Variants in CHST3 observed in about 807,000 individuals in gnomAD.
CHST3 encodes carbohydrate sulfotransferase 3.
A neutral mutation model predicts 35.4 loss-of-function variants in CHST3; 20 were observed. The observed-to-expected ratio is 0.57, with a 90% CI of 0.40 to 0.82. CHST3 has a LOEUF of 0.82. Ranked by LOEUF, CHST3 falls within the 40% of genes least tolerant of loss-of-function variation. The pLI is 0.00. For missense variants in CHST3, 693 were observed against 670.1 expected (o/e 1.03, Z -0.38); for synonymous variants, 334 against 295.9 (o/e 1.13, Z -1.32).
intron 1 of CHST3, among the ~76,000 whole-genome samples, chr10:71,975,557 G>A (rs936162214): frequency 1.3e-5 from 2 of 152,242 alleles, no homozygotes; most frequent in East Asian, 3.8e-4. Flanking sequence ...TTCACTGGCT[G>A]TGCAAATCCC....
intron 1 of CHST3, among the ~76,000 whole-genome samples, chr10:71,979,125 T>C (rs1031546459): frequency 2.0e-5 from 3 of 152,136 alleles, no homozygotes; most frequent in African/African-American, 7.2e-5. Context: ...AAAAGTGATA[T>C]GAATGGTGCA....
At position 72,005,956 on chromosome 10, in the gene CHST3, C is replaced by T. The variant is rs374590185; in HGVS notation, c.114C>T (p.Ile38=). The T allele has an allele frequency of 3.0e-5, 48 of 1,613,948 alleles. No homozygotes were observed. The Admixed American group carries it at 3.0e-4, about 10-fold the overall frequency. Residue 38 remains isoleucine (I), a synonymous_variant, in exon 2 of 3, where the codon ATC becomes ATT. Coordinates refer to ENST00000373115, the MANE Select transcript of CHST3 (RefSeq NM_004273.5). The part of the protein sequence containing the change: ...LVFVVIVFVF[I]EKENKIISRV... Reference sequence around the variant, plus strand: ...TTGTGGTGATAGTTTTTGTCTTCATCGAAAAGGAAAATAAAATCATATCAA... The same window carrying T: ...TTGTGGTGATAGTTTTTGTCTTCATTGAAAAGGAAAATAAAATCATATCAA...
At chr10:71,973,565 T>G (rs1564524462) in intron 1 of CHST3, among the ~76,000 whole-genome samples, 1 of 152,212 alleles carries the variant, frequency 6.6e-6, no homozygotes, top group East Asian at 1.9e-4. Context: ...TGTCTGTCCT[T>G]GCAAAAGTAG....
At chr10:71,986,465 A>T (rs1000736549) in intron 1 of CHST3, among the ~76,000 whole-genome samples, 2 of 152,240 alleles carry the variant, frequency 1.3e-5, no homozygotes, top group African/African-American at 4.8e-5. Flanking sequence ...TCCACCCATG[A>T]TAGATGTCAC....
chr10:72,008,192 C>T lies in CHST3; in HGVS notation c.1161C>T (p.Arg387=). The T allele has an allele frequency of 1.3e-6, 2 of 1,550,088 alleles. No individual in the cohort carries two copies. Among genetic ancestry groups the T allele is most frequent in the East Asian group, 2.4e-5 (1 of 40,952 alleles). Residue 387 remains arginine (R), a synonymous_variant, in exon 3 of 3, where the codon CGC becomes CGT. Coordinates refer to ENST00000373115, the MANE Select transcript of CHST3 (RefSeq NM_004273.5). ...TGCAGAAGGCCCGCGAGATGTACCG[C>T]TTCGCCGGCATCCCCCTGACCCCGC... ...GPLQKAREMY[R]FAGIPLTPQV...
At chr10:72,004,014 A>G (rs1015126442) in intron 1 of CHST3, among the ~76,000 whole-genome samples, 7 of 152,094 alleles carry the variant, frequency 4.6e-5, no homozygotes, top group African/African-American at 1.7e-4. Context: ...CGTCTCTACT[A>G]AAAATACAAA....
chr10:72,004,247 T>A (rs1330360213), intron 1 of CHST3, among the ~76,000 whole-genome samples: 1 of 152,182 alleles, frequency 6.6e-6, no homozygotes, highest in Non-Finnish European at 1.5e-5. Flanking sequence ...GTTCACCAAC[T>A]GTGTATCTCT....
intron 1 of CHST3, among the ~76,000 whole-genome samples, chr10:71,984,072 G>A (rs1026423726): frequency 6.6e-6 from 1 of 152,192 alleles, no homozygotes; most frequent in Non-Finnish European, 1.5e-5. Flanking sequence ...ACCCAGGCTG[G>A]AGCGCAGTGG....
At chr10:71,968,033 G>A (rs1839649617) in intron 1 of CHST3, among the ~76,000 whole-genome samples, 2 of 150,814 alleles carry the variant, frequency 1.3e-5, no homozygotes, top group South Asian at 4.2e-4. Context: ...GGCCAGAATG[G>A]TCTCGATCTC....
At position 72,007,686 on chromosome 10, in the gene CHST3, A is replaced by G. The variant is rs779793827; in HGVS notation, c.655A>G (p.Met219Val). ...GCCCGAGGACCACCTGACTCAGTTCATGTTCCGCCGGGGCTCCAGCCGCTC... is the reference window on the plus strand; with the variant it reads ...GCCCGAGGACCACCTGACTCAGTTCGTGTTCCGCCGGGGCTCCAGCCGCTC... ...PLPEDHLTQF[M>V]FRRGSSRSLC... Residue 219 changes from methionine to valine, a missense_variant, in exon 3 of 3, where the codon ATG (methionine) becomes GTG (valine). Coordinates refer to ENST00000373115, the MANE Select transcript of CHST3 (RefSeq NM_004273.5). 6 of 1,608,310 alleles carry G rather than the reference A, an allele frequency of 3.7e-6. No homozygotes were observed. The highest frequency in any genetic ancestry group is 2.2e-5 in the South Asian group (2 of 90,940).
At chr10:71,972,371 G>A (rs1839704001) in intron 1 of CHST3, among the ~76,000 whole-genome samples, 1 of 152,140 alleles carries the variant, frequency 6.6e-6, no homozygotes, top group Non-Finnish European at 1.5e-5. Flanking sequence ...TGACTGGGAA[G>A]CTCTGGCAAT....
intron 1 of CHST3, among the ~76,000 whole-genome samples, chr10:71,999,555 C>T (rs1839972176): frequency 6.6e-6 from 1 of 152,252 alleles, no homozygotes; most frequent in Non-Finnish European, 1.5e-5. Context: ...CCCCACCCCA[C>T]CCCACTGTGC....
intron 1 of CHST3, among the ~76,000 whole-genome samples, chr10:71,984,315 G>C (rs1277444077): frequency 6.6e-6 from 1 of 152,236 alleles, no homozygotes; most frequent in African/African-American, 2.4e-5. Context: ...GAGCCACCAT[G>C]CTCGGCTGAC....
chr10:71,969,988 A>C (rs1274203622), intron 1 of CHST3, among the ~76,000 whole-genome samples: 1 of 152,208 alleles, frequency 6.6e-6, no homozygotes, highest in Non-Finnish European at 1.5e-5. Context: ...TTCTTCTCTA[A>C]GGCCTAAAGA....
chr10:71,995,426 A>AAT (rs991808341), intron 1 of CHST3, among the ~76,000 whole-genome samples: 4 of 151,254 alleles, frequency 2.6e-5, no homozygotes, highest in African/African-American at 9.7e-5. Flanking sequence ...TGTCTCAAAA[A>AAT]AAAAAAAAAA....
intron 1 of CHST3, among the ~76,000 whole-genome samples, chr10:71,970,804 G>A (rs1265187434): frequency 2.0e-5 from 3 of 152,216 alleles, no homozygotes; most frequent in Admixed American, 2.0e-4. Flanking sequence ...TTGCTTTAGG[G>A]TGGATAGACC....
In CHST3 at chr10:71,967,975, AT is replaced by A. The variant is rs61420934; in HGVS notation, c.-108+3296del. ...AGGCGTGCACCACCATGCGTGGCTA[AT>A]TTTTTTTTTTTTTTGTATTTTAGTA... On this transcript the variant is annotated intron_variant, in intron 1 of 2. Coordinates refer to ENST00000373115, the MANE Select transcript of CHST3 (RefSeq NM_004273.5). Among the ~76,000 whole-genome samples, 266 of 141,990 alleles carry A rather than the reference AT, an allele frequency of 1.9e-3. 2 individuals are homozygous for A. Among genetic ancestry groups the A allele is most frequent in the Admixed American group, 2.3e-3 (32 of 14,072 alleles). The allele number at this position is 141,990 out of a possible 152,430, so 93.2% of individuals were successfully genotyped here. A position where few individuals can be genotyped will look rare whatever the true frequency, so the allele number is the denominator to read the frequency against.
chr10:71,965,343 G>T (rs1358097956), intron 1 of CHST3, among the ~76,000 whole-genome samples: 1 of 152,234 alleles, frequency 6.6e-6, no homozygotes, highest in Non-Finnish European at 1.5e-5. Flanking sequence ...CAGGGTCTGT[G>T]AGCAGCGTGG....
At chr10:71,972,139 A>G (rs79495494) in intron 1 of CHST3, among the ~76,000 whole-genome samples, 1,527 of 152,032 alleles carry the variant, frequency 0.01, 12 homozygotes, top group South Asian at 0.048. Context: ...GGTTATTCCC[A>G]CCATTTTACA....
Sources: allele counts gnomAD v4.1 joint callset (sites outside exome capture counted in the v4.1 genomes callset), GRCh38; gene constraint gnomAD v4.1.1; transcripts MANE v1.5; gene names NCBI Gene and HGNC (gene_info 2026-07-23, HGNC 2026-07-21).